The following PTER variants were observed in gnomAD, a reference collection of about 807,000 sequenced individuals.
The protein encoded by PTER is phosphotriesterase related.
Under a neutral mutation model 29.6 loss-of-function variants are expected in PTER, and 38 were observed. The ratio of observed to expected loss-of-function variants is 1.28; its 90% CI spans 0.99 to 1.68. The LOEUF (loss-of-function observed/expected upper bound fraction) is 1.68. Ranked by LOEUF, PTER falls within the 40% of genes most tolerant of loss-of-function variation. The pLI, the probability that PTER is intolerant of heterozygous loss-of-function variation, is 0.00. For missense variants in PTER, 482 were observed against 427.8 expected (o/e 1.13, Z -1.12); for synonymous variants, 172 against 154.5 (o/e 1.11, Z -0.84).
At chr10:16,455,968 T>G (rs1213021510) in intron 1 of PTER, among the ~76,000 whole-genome samples, 1 of 152,126 alleles carries the variant, frequency 6.6e-6, no homozygotes, top group Non-Finnish European at 1.5e-5. Flanking sequence ...AAACCGAGCA[T>G]CTAAGTAATT....
intron 1 of PTER, among the ~76,000 whole-genome samples, chr10:16,466,961 A>T (rs2133405870): frequency 6.6e-6 from 1 of 152,342 alleles, no homozygotes; most frequent in East Asian, 1.9e-4. Flanking sequence ...AGTCACTTGC[A>T]GTAACTTTAC....
chr10:16,444,762 C>A (rs1184921960), intron 1 of PTER, among the ~76,000 whole-genome samples: 1 of 152,160 alleles, frequency 6.6e-6, no homozygotes, highest in Non-Finnish European at 1.5e-5. Context: ...TTGACATTAT[C>A]TGTCCATATC....
chr10:16,443,516 G>A (rs754875412), intron 1 of PTER, among the ~76,000 whole-genome samples: 2 of 152,140 alleles, frequency 1.3e-5, no homozygotes, highest in Non-Finnish European at 2.9e-5. Flanking sequence ...TCCAAGTGAT[G>A]ACTACACATC....
downstream of PTER, chr10:16,513,812 C>T (rs1195143964): frequency 2.0e-5 from 3 of 152,730 alleles, no homozygotes; most frequent in African/African-American, 4.8e-5. Flanking sequence ...CATAATTACA[C>T]ATTTTCACAC....
intron 3 of PTER, among the ~76,000 whole-genome samples, chr10:16,490,949 T>A (rs900533851): frequency 6.6e-6 from 1 of 152,020 alleles, no homozygotes; most frequent in African/African-American, 2.4e-5. Context: ...TACATATATG[T>A]ATACACTACA....
At chr10:16,508,285 G>A (rs1037695546) in intron 4 of PTER, among the ~76,000 whole-genome samples, 5 of 151,922 alleles carry the variant, frequency 3.3e-5, no homozygotes, top group Admixed American at 6.6e-5. Flanking sequence ...AGCCAGGATG[G>A]TCTTGATCTC....
At position 16,486,541 on chromosome 10, in the gene PTER, G is replaced by A. The variant is rs1445272239; in HGVS notation, c.622G>A (p.Ala208Thr). 1 of 1,613,830 alleles carries A rather than the reference G, an allele frequency of 6.2e-7. No individual in the cohort carries two copies. The highest frequency in any genetic ancestry group is 1.1e-5 in the South Asian group (1 of 91,076). ...VIIHPGRSSR[A>T]PFQIIRILQE... ...TATCCATCCTGGACGGAGCTCCAGGGCACCATTTCAGATTATCCGAATATT... is the reference window on the plus strand; with the variant it reads ...TATCCATCCTGGACGGAGCTCCAGGACACCATTTCAGATTATCCGAATATT... The change falls in exon 3 of 5, where the codon GCA becomes ACA. Residue 208 changes from alanine to threonine, a missense_variant. Ala to Thr is a moderately conservative substitution (Grantham distance 58). Transcript: ENST00000535784.
intron 1 of PTER, among the ~76,000 whole-genome samples, chr10:16,456,662 G>T (rs982325396): frequency 6.6e-6 from 1 of 152,238 alleles, no homozygotes; most frequent in East Asian, 1.9e-4. Context: ...AGAGGTACCC[G>T]CAGGGGAGAA....
At position 16,512,884 on chromosome 10, in the gene PTER, C is replaced by T. The variant is rs537331944; in HGVS notation, c.*1628C>T. The T allele has an allele frequency of 6.6e-6, 1 of 152,608 alleles. No homozygotes were observed. The highest frequency in any genetic ancestry group is 2.4e-5 in the African/African-American group (1 of 41,542). 9.5% of individuals were successfully genotyped at this position (152,608 alleles called of 1,614,324 possible). On this transcript the variant is annotated 3_prime_UTR_variant, in exon 5 of 5. Coordinates refer to ENST00000535784, the MANE Select transcript of PTER (RefSeq NM_001261836.2). Reference sequence around the variant, plus strand: ...GTGATAGTTAGGAGATATCAACATGCATTTTTAATCTTTTCCTTAGATGAA... The same window carrying T: ...GTGATAGTTAGGAGATATCAACATGTATTTTTAATCTTTTCCTTAGATGAA...
At chr10:16,456,108 C>T (rs1834385906) in intron 1 of PTER, among the ~76,000 whole-genome samples, 1 of 152,168 alleles carries the variant, frequency 6.6e-6, no homozygotes, top group South Asian at 2.1e-4. Flanking sequence ...GCCAGTTGTT[C>T]ATTCTTCTGT....
At chr10:16,498,832 CA>C (rs1836219289) in intron 3 of PTER, among the ~76,000 whole-genome samples, 1 of 152,188 alleles carries the variant, frequency 6.6e-6, no homozygotes, top group Non-Finnish European at 1.5e-5. Context: ...TGCATAAATG[CA>C]ACTTCAGTAG....
At chr10:16,503,162 C>T (rs1278733508) in intron 3 of PTER, among the ~76,000 whole-genome samples, 1 of 143,276 alleles carries the variant, frequency 7.0e-6, no homozygotes, top group African/African-American at 2.6e-5. Flanking sequence ...CTCAAATGAT[C>T]CACCCACCTT....
intron 1 of PTER, among the ~76,000 whole-genome samples, chr10:16,457,538 T>C (rs1834454962): frequency 6.6e-6 from 1 of 152,056 alleles, no homozygotes; most frequent in African/African-American, 2.4e-5. Context: ...TAAGCATTTC[T>C]TCTTTAGGAA....
At position 16,486,529 on chromosome 10, in the gene PTER, C is replaced by T. The variant is rs76119360; in HGVS notation, c.610C>T (p.Arg204Trp). 3.1e-3 allele frequency: 4,960 copies of T among 1,613,984 alleles called. 6 individuals are homozygous for T. The highest frequency in any genetic ancestry group is 3.7e-3 in the Non-Finnish European group (4,317 of 1,179,924). ...LGCPVIIHPG[R>W]SSRAPFQIIR... ...TTGTCCTGTTATTATCCATCCTGGACGGAGCTCCAGGGCACCATTTCAGAT... is the reference window on the plus strand; with the variant it reads ...TTGTCCTGTTATTATCCATCCTGGATGGAGCTCCAGGGCACCATTTCAGAT... Residue 204 changes from arginine to tryptophan, a missense_variant, in exon 3 of 5, where the codon CGG (arginine) becomes TGG (tryptophan). By Grantham distance (101) the Arg-to-Trp change is moderately radical (BLOSUM62 -3). Transcript: ENST00000535784.
At chr10:16,485,151 G>A (rs993672831) in intron 2 of PTER, among the ~76,000 whole-genome samples, 1 of 152,186 alleles carries the variant, frequency 6.6e-6, no homozygotes, top group Non-Finnish European at 1.5e-5. Context: ...CAGTCTATTT[G>A]TAAACCTCAC....
chr10:16,484,517 G>A lies in PTER; in HGVS notation c.133G>A (p.Glu45Lys). 1.2e-6 allele frequency: 2 copies of A among 1,614,026 alleles called. No homozygotes were observed. The highest frequency in any genetic ancestry group is 1.7e-6 in the Non-Finnish European group (2 of 1,179,994). The change falls in exon 2 of 5, where the codon GAA becomes AAA. Residue 45 changes from glutamate (E) to lysine (K), a missense_variant. Physicochemically the swap from Glu to Lys is moderately conservative, Grantham distance 56. Transcript: ENST00000535784. ...TTACTGTCCACCTCCCCCGTGCCAG[G>A]AAGCTATTTCCAAAGAACCTATCGT... ...CCYCPPPPCQ[E>K]AISKEPIVMK...
chr10:16,465,584 G>A lies in PTER; in HGVS notation c.-48-18753G>A, dbSNP rs138318080. Among the ~76,000 whole-genome samples, 83 of 152,320 alleles carry A rather than the reference G, an allele frequency of 5.4e-4. 1 individual carries two copies. In the East Asian group the frequency reaches 0.011, roughly 20 times the overall value. The stretch of plus-strand genomic sequence containing the variant: ...TGCCAACGAAAACATAGGTTTGCTT[G>A]TGGCTGAAATTACATTCCATCAGTA... On this transcript the variant is annotated intron_variant, in intron 1 of 4. Transcript: ENST00000535784.
At chr10:16,489,111 T>C (rs1835805370) in intron 3 of PTER, among the ~76,000 whole-genome samples, 3 of 152,226 alleles carry the variant, frequency 2.0e-5, no homozygotes, top group Admixed American at 2.0e-4. Flanking sequence ...CTCTTTCATA[T>C]TTCCATCCAC....
intron 4 of PTER, among the ~76,000 whole-genome samples, chr10:16,508,677 T>G (rs969204172): frequency 8.9e-5 from 13 of 146,758 alleles, no homozygotes; most frequent in African/African-American, 3.3e-4. Context: ...TATTATAATA[T>G]AAATCTGTGT....
Sources: gnomAD v4.1 joint callset for allele counts (sites outside exome capture counted in the v4.1 genomes callset) on GRCh38, gnomAD v4.1.1 for gene constraint, MANE v1.5 for transcripts, NCBI Gene and HGNC (gene_info 2026-07-23, HGNC 2026-07-21) for gene names.